The following ATP1A4 variants were observed in gnomAD, a reference collection of about 807,000 sequenced individuals.
The protein encoded by ATP1A4 is ATPase Na+/K+ transporting subunit alpha 4, also known as sodium/potassium-transporting ATPase subunit alpha-4.
ATP1A4 carries 90 observed loss-of-function variants against 114.3 expected under a neutral mutation model. The ratio of observed to expected loss-of-function variants is 0.79; its 90% CI spans 0.66 to 0.94. ATP1A4 has a LOEUF of 0.94. Among genes scored for constraint, ATP1A4 ranks in the 40% least tolerant of loss-of-function variants. The probability of loss-of-function intolerance (pLI) is 0.00; values close to 1 mark genes in which losing one functional copy is unlikely to be tolerated. For missense variants in ATP1A4, 1,222 were observed against 1,313.6 expected (o/e 0.93, Z 1.08); for synonymous variants, 511 against 494.1 (o/e 1.03, Z -0.45).
At chr1:160,161,864 G>A (rs1022247905) in intron 6 of ATP1A4, among the ~76,000 whole-genome samples, 6 of 152,118 alleles carry the variant, frequency 3.9e-5, no homozygotes, top group African/African-American at 9.7e-5. Flanking sequence ...CTTAGAAAAC[G>A]GAGACCACCA....
At position 160,156,204 on chromosome 1, in the gene ATP1A4, G is replaced by A. The variant is rs370728757; in HGVS notation, c.525+46G>A. 125 of 1,290,598 alleles carry A rather than the reference G, an allele frequency of 9.7e-5. No homozygotes were observed. In the African/African-American group the frequency reaches 1.5e-3, roughly 16 times the overall value. 79.9% of individuals were successfully genotyped at this position (1,290,598 alleles called of 1,614,324 possible). A position where few individuals can be genotyped will look rare whatever the true frequency, so the allele number is the denominator to read the frequency against. On this transcript the variant is annotated intron_variant, in intron 4 of 21. Coordinates refer to ENST00000368081, the MANE Select transcript of ATP1A4 (RefSeq NM_144699.4). Reference sequence around the variant, plus strand: ...TCTAGTGGGAGCAGGAGCAGGATGTGGCCAAATACACAATGATGAAGTCCC... The same window carrying A: ...TCTAGTGGGAGCAGGAGCAGGATGTAGCCAAATACACAATGATGAAGTCCC...
Position 160,164,851 on chromosome 1 carries a change from G to T in ATP1A4, c.1047+427G>T, listed in dbSNP as rs144390050. Among the ~76,000 whole-genome samples, 737 of 152,326 alleles carry T rather than the reference G, an allele frequency of 4.8e-3. 8 individuals are homozygous for T. The highest frequency in any genetic ancestry group is 5.8e-3 in the Non-Finnish European group (397 of 68,030). On this transcript the variant is annotated intron_variant, in intron 7 of 21. Coordinates refer to ENST00000368081, the MANE Select transcript of ATP1A4 (RefSeq NM_144699.4). Reference sequence around the variant, plus strand: ...ATCCTCTATAAAACCCATGGGAGATGATTATTATTTCTATTAATTGGGAAG... The same window carrying T: ...ATCCTCTATAAAACCCATGGGAGATTATTATTATTTCTATTAATTGGGAAG...
intron 1 of ATP1A4, among the ~76,000 whole-genome samples, 177 bp downstream of exon 1, chr1:160,152,364 G>A (rs374018678): frequency 1.9e-3 from 293 of 152,146 alleles, no homozygotes; most frequent in African/African-American, 6.7e-3. Context: ...AGAGAGACAG[G>A]GCAGCTCAAC....
rs138774641 is a variant in ATP1A4, at chr1:160,164,183, C to A, written c.806C>A (p.Thr269Lys). The A allele has an allele frequency of 4.2e-5, 68 of 1,614,076 alleles. No individual in the cohort carries two copies. The highest frequency in any genetic ancestry group is 5.3e-5 in the Non-Finnish European group (62 of 1,180,038). ...ACCGCCCGGGGTATTGTGATTGCTA[C>A]GGGAGACTCCACAGTGATGGGCAGA... ...EGTARGIVIA[T>K]GDSTVMGRIA... is the part of the protein sequence containing the mutation. The change falls in exon 7 of 22, where the codon ACG becomes AAG. Residue 269 changes from threonine (T) to lysine (K), a missense_variant. Physicochemically the swap from Thr to Lys is moderately conservative, Grantham distance 78. Coordinates refer to ENST00000368081, the MANE Select transcript of ATP1A4 (RefSeq NM_144699.4).
Position 160,166,961 on chromosome 1 carries a change from T to C in ATP1A4, c.1247-7T>C. The C allele has an allele frequency of 6.2e-7, 1 of 1,613,442 alleles. No homozygotes were observed. The highest frequency in any genetic ancestry group is 1.1e-5 in the South Asian group (1 of 91,060). ...CTGCTCACAATTCTTCTTTTCTTTCTCCCTAGGAAAAACATTTACCAAGAG... is the reference window on the plus strand; with the variant it reads ...CTGCTCACAATTCTTCTTTTCTTTCCCCCTAGGAAAAACATTTACCAAGAG... On this transcript the variant is annotated splice_polypyrimidine_tract_variant and splice_region_variant and intron_variant, in intron 8 of 21. Transcript: ENST00000368081.
At chr1:160,153,912 C>A (rs528290731) in intron 2 of ATP1A4, among the ~76,000 whole-genome samples, 2 of 152,190 alleles carry the variant, frequency 1.3e-5, no homozygotes, top group South Asian at 4.1e-4. Context: ...GGTTTTGGGG[C>A]CCCTCGGGTG....
intron 20 of ATP1A4, among the ~76,000 whole-genome samples, chr1:160,184,911 C>A (rs1052701950): frequency 2.6e-5 from 4 of 152,068 alleles, no homozygotes; most frequent in Non-Finnish European, 5.9e-5. Flanking sequence ...ATATATTCGC[C>A]GACAAAGTAT....
intron 13 of ATP1A4, 50 bp downstream of exon 13, chr1:160,173,767 C>A: frequency 3.2e-6 from 5 of 1,584,666 alleles, no homozygotes; most frequent in Non-Finnish European, 4.3e-6. Flanking sequence ...CCATCCCCAG[C>A]CTGCCCCACC....
intron 12 of ATP1A4, among the ~76,000 whole-genome samples, chr1:160,171,983 A>T (rs1451521136): frequency 1.3e-5 from 2 of 152,078 alleles, no homozygotes; most frequent in African/African-American, 4.8e-5. Flanking sequence ...GATGTCTAGG[A>T]CACACCCCAG....
intron 7 of ATP1A4, 26 bp downstream of exon 7, chr1:160,164,450 C>T: frequency 1.2e-6 from 2 of 1,611,296 alleles, no homozygotes; most frequent in Non-Finnish European, 1.7e-6. Flanking sequence ...GGAAAATGGC[C>T]TCAGGGCAGA....
chr1:160,155,772 C>T lies in ATP1A4; in HGVS notation c.412-273C>T, dbSNP rs145363711. 3.9e-5 allele frequency among the ~76,000 whole-genome samples: 6 copies of T among 152,294 alleles called. No individual in the cohort carries two copies. In the East Asian group the frequency reaches 9.6e-4, roughly 24 times the overall value. ...CTCCCAGCCTCCCTCACAATCCACC[C>T]CCTCCATCCAGAGATTAGCCTTCCT... is the stretch of plus-strand genomic sequence containing the variant. On this transcript the variant is annotated intron_variant, in intron 3 of 21. Transcript: ENST00000368081.
intron 20 of ATP1A4, 65 bp from the exon 21 acceptor site, chr1:160,186,211 C>A: frequency 1.8e-6 from 2 of 1,090,976 alleles, no homozygotes; most frequent in Non-Finnish European, 2.8e-6. Flanking sequence ...CTGTGCATTG[C>A]CCTCTGCACC....
At position 160,171,575 on chromosome 1, in the gene ATP1A4, C is replaced by T; in HGVS notation, c.1682-10C>T. 6.2e-7 allele frequency: 1 copy of T among 1,612,362 alleles called. No homozygotes were observed. The highest frequency in any genetic ancestry group is 1.1e-5 in the South Asian group (1 of 90,786). On this transcript the variant is annotated splice_polypyrimidine_tract_variant and intron_variant, in intron 11 of 21. Coordinates refer to ENST00000368081, the MANE Select transcript of ATP1A4 (RefSeq NM_144699.4). ...GATGACTACTGGTCCCTCCCTCTGT[C>T]TCTCTCCAGGCTTCTGCTTCTTGAA...
intron 15 of ATP1A4, 137 bp from the exon 16 acceptor site, chr1:160,175,955 G>A (rs1424406302): frequency 3.7e-6 from 3 of 800,858 alleles, no homozygotes; most frequent in Non-Finnish European, 6.2e-6. Flanking sequence ...ACAATACTGG[G>A]ACCCTGGAGG....
In ATP1A4 at chr1:160,171,445, G is replaced by T. The variant is rs1229745150; in HGVS notation, c.1681+5G>T. On this transcript the variant is annotated splice_donor_5th_base_variant and intron_variant, in intron 11 of 21. Coordinates refer to ENST00000368081, the MANE Select transcript of ATP1A4 (RefSeq NM_144699.4). ...GTCTGGGGGAACGTGTGCTAGGTGAGGAGCTTTGGGAGAAGTTTTTAAAAG... is the reference window on the plus strand; with the variant it reads ...GTCTGGGGGAACGTGTGCTAGGTGATGAGCTTTGGGAGAAGTTTTTAAAAG... The T allele has an allele frequency of 6.2e-7, 1 of 1,611,274 alleles. No homozygotes were observed. Among genetic ancestry groups the T allele is most frequent in the South Asian group, 1.1e-5 (1 of 90,938 alleles).
intron 12 of ATP1A4, 129 bp downstream of exon 12, chr1:160,171,886 T>G: frequency 1.1e-6 from 1 of 926,196 alleles, no homozygotes; most frequent in Non-Finnish European, 1.6e-6. Context: ...CTTGGGCTTA[T>G]GATTTTTAAT....
At chr1:160,186,460 A>G in intron 21 of ATP1A4, 93 bp downstream of exon 21, 1 of 1,150,366 alleles carries the variant, frequency 8.7e-7, no homozygotes, top group East Asian at 2.3e-5. Flanking sequence ...CCCACCACTG[A>G]CTTTCTCCCC....
intron 18 of ATP1A4, among the ~76,000 whole-genome samples, chr1:160,180,537 T>G (rs919037903): frequency 1.3e-5 from 2 of 152,122 alleles, no homozygotes; most frequent in Non-Finnish European, 2.9e-5. Context: ...TCTAAGTTCC[T>G]TAAGTGTAAA....
chr1:160,153,356 G>A, intron 2 of ATP1A4, 132 bp downstream of exon 2: 3 of 729,008 alleles, frequency 4.1e-6, no homozygotes, highest in African/African-American at 1.7e-5. Context: ...CCTCTGCCTG[G>A]CCACGTTCCA....
Sources: allele counts gnomAD v4.1 joint callset (sites outside exome capture counted in the v4.1 genomes callset), GRCh38; gene constraint gnomAD v4.1.1; transcripts MANE v1.5; gene names NCBI Gene and HGNC (gene_info 2026-07-23, HGNC 2026-07-21).